CUX1: variants seen among roughly 807,000 people sequenced by gnomAD.
CUX1 encodes the protein cut like homeobox 1.
In CUX1, 31 loss-of-function variants were observed where a neutral mutation model predicts 158.8. The observed-to-expected ratio is 0.20, with a 90% CI of 0.15 to 0.26. The LOEUF (loss-of-function observed/expected upper bound fraction) is 0.26, where lower values mean the gene tolerates loss of function less well. Ranked by LOEUF, CUX1 falls within the 10% of genes least tolerant of loss-of-function variation. CUX1 has a pLI of 1.00. For synonymous variants in CUX1, 879 were observed against 862.1 expected (o/e 1.02, Z -0.34); for missense variants, 1,589 against 2,014.6 (o/e 0.79, Z 4.04).
intron 8 of CUX1, among the ~76,000 whole-genome samples, chr7:102,141,238 T>C (rs1554500175): frequency 6.6e-6 from 1 of 152,164 alleles, no homozygotes; most frequent in Non-Finnish European, 1.5e-5. Flanking sequence ...AGAGGAAGGA[T>C]GCTGTCTTTC....
rs377605123 is a variant in CUX1, at chr7:101,841,010, T to C, written c.30+23341T>C. ...CCGGGTTCACACCATTTTCCTGCCT[T>C]AGCCTCTCGAGTAGCTGGGACTACA... On this transcript the variant is annotated intron_variant, in intron 1 of 23. Transcript: ENST00000292535. Among the ~76,000 whole-genome samples, 31 of 151,924 alleles carry C rather than the reference T, an allele frequency of 2.0e-4. No individual in the cohort carries two copies. The East Asian group carries it at 4.5e-3, about 22-fold the overall frequency.
intron 20 of CUX1, among the ~76,000 whole-genome samples, chr7:102,226,071 C>T (rs1798318600): frequency 6.6e-6 from 1 of 152,244 alleles, no homozygotes; most frequent in Non-Finnish European, 1.5e-5. Context: ...TCCCAGACAT[C>T]CCAGAACTGG....
intron 6 of CUX1, among the ~76,000 whole-genome samples, chr7:102,111,264 G>A (rs782679533): frequency 1.8e-4 from 27 of 152,188 alleles, no homozygotes; most frequent in South Asian, 4.1e-4. Context: ...TAACAGAGAC[G>A]GAACAGCTGC....
intron 2 of CUX1, among the ~76,000 whole-genome samples, chr7:101,991,185 T>C (rs1815062842): frequency 6.6e-6 from 1 of 152,056 alleles, no homozygotes; most frequent in African/African-American, 2.4e-5. Flanking sequence ...TCTTTAAAAA[T>C]ACCGTAAAAA....
At chr7:102,098,060 G>T (rs564814784) in intron 5 of CUX1, among the ~76,000 whole-genome samples, 3 of 152,234 alleles carry the variant, frequency 2.0e-5, no homozygotes, top group Non-Finnish European at 4.4e-5. Flanking sequence ...GGCTTTTCCC[G>T]TCAGGGAAGA....
chr7:102,194,706 GGGTCATCT>G (rs1794615041), intron 13 of CUX1, among the ~76,000 whole-genome samples: 2 of 151,834 alleles, frequency 1.3e-5, no homozygotes, highest in African/African-American at 4.8e-5. Flanking sequence ...CTGTGGCCCA[GGGTCATCT>G]GGTGGCCAAT....
intron 8 of CUX1, among the ~76,000 whole-genome samples, chr7:102,156,246 C>T (rs1277517493): frequency 1.3e-5 from 2 of 152,270 alleles, no homozygotes; most frequent in East Asian, 3.9e-4. Flanking sequence ...CAACAGAACA[C>T]CTGAGGCCAG....
intron 2 of CUX1, among the ~76,000 whole-genome samples, chr7:102,003,329 CACACA>C (rs1816934272): frequency 6.6e-6 from 1 of 151,666 alleles, no homozygotes; most frequent in African/African-American, 2.4e-5. Flanking sequence ...CACACACACA[CACACA>C]CGCCCGCCCC....
chr7:101,938,171 G>A (rs1054945587), intron 2 of CUX1, among the ~76,000 whole-genome samples: 1 of 150,470 alleles, frequency 6.6e-6, no homozygotes, highest in African/African-American at 2.5e-5. Flanking sequence ...GGAATGCAGT[G>A]ACGTGATCAC....
Position 102,201,831 on chromosome 7 carries a change from A to C in CUX1, c.2534A>C (p.Glu845Ala). Residue 845 changes from glutamate to alanine, a missense_variant, in exon 18 of 24, where the codon GAA becomes GCA. By Grantham distance (107) the Glu-to-Ala change is moderately radical (BLOSUM62 -1). Around this residue, in one of 8 missense-constraint regions of CUX1, gnomAD observed 337 missense variants for 409.3 expected, o/e 0.82. Coordinates refer to ENST00000292535, the MANE Select transcript of CUX1 (RefSeq NM_181552.4). This position sits in a 1 kb window ranked among gnomAD's most constrained non-coding sequence, Gnocchi z 5.0. ...AASSEEAKAE[E>A]TGGGKEKGSG... is the part of the protein sequence containing the mutation. ...TCCTCCGAGGAGGCCAAGGCCGAAG[A>C]AACGGGCGGCGGGAAAGAGAAGGGC... The C allele has an allele frequency of 6.2e-7, 1 of 1,613,278 alleles. No homozygotes were observed. Among genetic ancestry groups the C allele is most frequent in the Admixed American group, 1.7e-5 (1 of 60,014 alleles).
At chr7:102,245,166 A>T (rs561394244) in intron 23 of CUX1, among the ~76,000 whole-genome samples, 1 of 152,234 alleles carries the variant, frequency 6.6e-6, no homozygotes, top group South Asian at 2.1e-4. Flanking sequence ...TCTGAGCCTC[A>T]GGAGTAGCTG....
At chr7:102,110,490 A>G (rs1830770477) in intron 6 of CUX1, among the ~76,000 whole-genome samples, 1 of 152,226 alleles carries the variant, frequency 6.6e-6, no homozygotes, top group African/African-American at 2.4e-5. Flanking sequence ...CTAGTGTGTT[A>G]CGCATTCGTT....
chr7:102,182,624 C>T (rs575742058), intron 11 of CUX1, among the ~76,000 whole-genome samples: 1 of 152,256 alleles, frequency 6.6e-6, no homozygotes, highest in East Asian at 1.9e-4. Flanking sequence ...AAGATGTTTC[C>T]TCCTGCCTAA....
At chr7:101,931,235 C>T (rs1806256696) in intron 2 of CUX1, among the ~76,000 whole-genome samples, 1 of 152,170 alleles carries the variant, frequency 6.6e-6, no homozygotes, top group Non-Finnish European at 1.5e-5. Flanking sequence ...CCTCCTCTGC[C>T]TCTTGGAGTT....
chr7:101,818,401 G>A (rs1184312553), intron 1 of CUX1, among the ~76,000 whole-genome samples: 1 of 152,106 alleles, frequency 6.6e-6, no homozygotes, highest in Non-Finnish European at 1.5e-5. Flanking sequence ...TAATATCAAT[G>A]AAGTGTCTTT....
chr7:101,953,030 C>T (rs1044853460), intron 2 of CUX1, among the ~76,000 whole-genome samples: 3 of 152,184 alleles, frequency 2.0e-5, no homozygotes, highest in African/African-American at 4.8e-5. Context: ...ATCTCAGAGG[C>T]CAGGAAGCCT....
intron 3 of CUX1, among the ~76,000 whole-genome samples, chr7:102,041,498 C>T (rs1207510530): frequency 2.0e-5 from 3 of 151,494 alleles, no homozygotes; most frequent in Admixed American, 1.3e-4. Context: ...AAGTGATCAA[C>T]CCGCCTTGGC....
intron 18 of CUX1, among the ~76,000 whole-genome samples, chr7:102,203,386 A>C (rs1460258329): frequency 4.1e-5 from 6 of 145,280 alleles, no homozygotes; most frequent in Admixed American, 6.9e-5. Context: ...CCGTCCCCGC[A>C]CTCCCCACCC....
intron 3 of CUX1, among the ~76,000 whole-genome samples, chr7:102,055,465 C>G (rs1186883573): frequency 6.6e-6 from 1 of 152,170 alleles, no homozygotes. Context: ...CAATTATTCA[C>G]TATTATTATA....
Sources: allele counts gnomAD v4.1 joint callset (sites outside exome capture counted in the v4.1 genomes callset), GRCh38; gene constraint gnomAD v4.1.1; regional missense constraint gnomAD v4.1.1; non-coding constraint Gnocchi (gnomAD v3.1); transcripts MANE v1.5; gene names NCBI Gene and HGNC (gene_info 2026-07-23, HGNC 2026-07-21).